Variants in GALNT2 observed in about 807,000 individuals in gnomAD.
GALNT2 encodes the protein polypeptide N-acetylgalactosaminyltransferase 2.
In GALNT2, 31 loss-of-function variants were observed where a neutral mutation model predicts 81.4. The ratio of observed to expected loss-of-function variants is 0.38; its 90% CI spans 0.29 to 0.51. GALNT2 has a LOEUF of 0.51. Ranked by LOEUF, GALNT2 falls within the 20% of genes least tolerant of loss-of-function variation. The pLI is 0.87. For synonymous variants in GALNT2, 303 were observed against 287.4 expected, an observed-to-expected ratio of 1.05 and a Z score of -0.55; for missense variants, 629 against 765.7, an observed-to-expected ratio of 0.82 and a Z score of 2.11.
intron 1 of GALNT2, among the ~76,000 whole-genome samples, chr1:230,132,244 T>C (rs931663909): frequency 6.6e-6 from 1 of 152,216 alleles, no homozygotes; most frequent in Non-Finnish European, 1.5e-5. Flanking sequence ...AGTAACTCTC[T>C]TCTGATTTGG....
chr1:230,103,468 CTG>C (rs1472171743), intron 1 of GALNT2, among the ~76,000 whole-genome samples: 1 of 152,226 alleles, frequency 6.6e-6, no homozygotes, highest in African/African-American at 2.4e-5. Flanking sequence ...ACATCTGCAA[CTG>C]TGAACAGATT....
chr1:230,124,733 T>C (rs75677940), intron 1 of GALNT2, among the ~76,000 whole-genome samples: 1 of 152,200 alleles, frequency 6.6e-6, no homozygotes, highest in African/African-American at 2.4e-5. Context: ...GTCCTTCTCA[T>C]GAATTCAGCA....
chr1:230,240,399 CTGGCCAACA>C (rs1455263693), intron 6 of GALNT2, among the ~76,000 whole-genome samples: 1 of 152,206 alleles, frequency 6.6e-6, no homozygotes, highest in African/African-American at 2.4e-5. Context: ...TGAGACCAGC[CTGGCCAACA>C]TGGTGAAACC....
intron 3 of GALNT2, among the ~76,000 whole-genome samples, chr1:230,233,553 C>T (rs1664931521): frequency 6.6e-6 from 1 of 152,018 alleles, no homozygotes; most frequent in Non-Finnish European, 1.5e-5. Flanking sequence ...GCGGAGGTTG[C>T]AATGATCCGA....
At chr1:230,266,579 A>G (rs887217352) in intron 14 of GALNT2, among the ~76,000 whole-genome samples, 2 of 152,206 alleles carry the variant, frequency 1.3e-5, no homozygotes. Flanking sequence ...GCAGACTGCA[A>G]TCCACAAATA....
At chr1:230,108,590 G>C (rs12564901) in intron 1 of GALNT2, among the ~76,000 whole-genome samples, 65,225 of 152,094 alleles carry the variant, frequency 0.43, 14,007 homozygotes, top group South Asian at 0.53. Context: ...TCCCAGTAAA[G>C]ACACTGTAAG....
chr1:230,276,341 C>T (rs2102784209), intron 15 of GALNT2, among the ~76,000 whole-genome samples: 1 of 152,188 alleles, frequency 6.6e-6, no homozygotes, highest in East Asian at 1.9e-4. Context: ...ACAAAAGGTC[C>T]TCCCTGTATG....
rs1163233789 is a variant in GALNT2, at chr1:230,262,673, G to A, written c.1229+8G>A. 8.7e-6 allele frequency: 14 copies of A among 1,605,904 alleles called. No individual in the cohort carries two copies. The South Asian group carries it at 1.5e-4, about 18-fold the overall frequency. On this transcript the variant is annotated splice_region_variant and intron_variant, in intron 12 of 15. Coordinates refer to ENST00000366672, the MANE Select transcript of GALNT2 (RefSeq NM_004481.5). ...AAACGTTCCTTATGGAAAGTAAGTG[G>A]CAGTTCTGCCTTCTCACAATTACTG...
intron 1 of GALNT2, among the ~76,000 whole-genome samples, chr1:230,142,975 G>A (rs1216601148): frequency 6.6e-6 from 1 of 152,156 alleles, no homozygotes; most frequent in Non-Finnish European, 1.5e-5. Flanking sequence ...TCCTGTGGCT[G>A]CTCTTCAGAG....
chr1:230,120,980 C>A (rs189846458), intron 1 of GALNT2, among the ~76,000 whole-genome samples: 1 of 152,334 alleles, frequency 6.6e-6, no homozygotes, highest in East Asian at 1.9e-4. Context: ...TTTAGGACTC[C>A]TAATCTTTCT....
intron 1 of GALNT2, among the ~76,000 whole-genome samples, chr1:230,088,125 T>C (rs762478282): frequency 2.0e-5 from 3 of 152,148 alleles, no homozygotes; most frequent in Non-Finnish European, 2.9e-5. Context: ...GTAAAAACCA[T>C]GTAACATAAA....
chr1:230,177,058 G>A (rs963674810), intron 1 of GALNT2, among the ~76,000 whole-genome samples: 1 of 152,392 alleles, frequency 6.6e-6, no homozygotes, highest in East Asian at 1.9e-4. Context: ...AGAGATGGGG[G>A]AGTCTTAGGC....
In GALNT2 at chr1:230,147,038, G is replaced by C. The variant is rs531258220; in HGVS notation, c.127-31180G>C. ...TGAGAAGGGAAGCAGGCCTTCAGCTGTGGCAGGGTGAATTGGGAAGGAGGG... is the reference window on the plus strand; with the variant it reads ...TGAGAAGGGAAGCAGGCCTTCAGCTCTGGCAGGGTGAATTGGGAAGGAGGG... On this transcript the variant is annotated intron_variant, in intron 1 of 15. Transcript: ENST00000366672. 1.4e-4 allele frequency among the ~76,000 whole-genome samples: 22 copies of C among 152,264 alleles called. No individual in the cohort carries two copies. The South Asian group carries it at 4.3e-3, about 30-fold the overall frequency.
chr1:230,182,718 A>C (rs946091664), intron 2 of GALNT2, among the ~76,000 whole-genome samples: 1 of 152,102 alleles, frequency 6.6e-6, no homozygotes, highest in African/African-American at 2.4e-5. Flanking sequence ...TTTTTGACTG[A>C]ATTAGTCTAT....
intron 3 of GALNT2, among the ~76,000 whole-genome samples, chr1:230,223,881 AC>A (rs1664629020): frequency 6.6e-6 from 1 of 152,196 alleles, no homozygotes; most frequent in African/African-American, 2.4e-5. Context: ...TCTCCTGTCC[AC>A]TTGGGACAAT....
Position 230,236,428 on chromosome 1 carries a change from C to G in GALNT2, c.541+8C>G. On this transcript the variant is annotated splice_region_variant and intron_variant, in intron 5 of 15. Transcript: ENST00000366672. Reference sequence around the variant, plus strand: ...ATGACTACAGCAATGATCGTGAGTACTGACACTGATTTTATCCCTGTGTCT... The same window carrying G: ...ATGACTACAGCAATGATCGTGAGTAGTGACACTGATTTTATCCCTGTGTCT... 1 of 1,613,336 alleles carries G rather than the reference C, an allele frequency of 6.2e-7. No individual in the cohort carries two copies. The highest frequency in any genetic ancestry group is 8.5e-7 in the Non-Finnish European group (1 of 1,179,272).
At chr1:230,215,177 G>A (rs897886838) in intron 3 of GALNT2, among the ~76,000 whole-genome samples, 1 of 152,246 alleles carries the variant, frequency 6.6e-6, no homozygotes, top group East Asian at 1.9e-4. Flanking sequence ...CGACCTGGAA[G>A]TCTGGGATAT....
intron 3 of GALNT2, among the ~76,000 whole-genome samples, chr1:230,234,081 G>A (rs1380845909): frequency 6.6e-6 from 1 of 152,182 alleles, no homozygotes; most frequent in African/African-American, 2.4e-5. Flanking sequence ...ATAATTGAAA[G>A]AATACGTGAA....
At chr1:230,246,256 C>A in intron 8 of GALNT2, 106 bp downstream of exon 8, 1 of 888,302 alleles carries the variant, frequency 1.1e-6, no homozygotes, top group Non-Finnish European at 1.9e-6. Flanking sequence ...AGTGTTCACG[C>A]CGTAGTGTGT....
Sources: allele counts gnomAD v4.1 joint callset (sites outside exome capture counted in the v4.1 genomes callset), GRCh38; gene constraint gnomAD v4.1.1; transcripts MANE v1.5; gene names NCBI Gene and HGNC (gene_info 2026-07-23, HGNC 2026-07-21).